Variants in UGT2A1 observed in about 807,000 individuals in gnomAD.
UGT2A1 encodes UDP-glucuronosyltransferase 2A1.
In UGT2A1, 61 loss-of-function variants were observed where a neutral mutation model predicts 45.4. That is an observed-to-expected ratio of 1.34 (90% CI 1.09 to 1.66). UGT2A1 has a LOEUF of 1.66. Ranked by LOEUF, UGT2A1 falls within the 40% of genes most tolerant of loss-of-function variation. The pLI, the probability that UGT2A1 is intolerant of heterozygous loss-of-function variation, is 0.00. For synonymous variants in UGT2A1, 229 were observed against 196.2 expected (o/e 1.17, Z -1.40); for missense variants, 649 against 574.3 (o/e 1.13, Z -1.33).
intron 1 of UGT2A1, among the ~76,000 whole-genome samples, chr4:69,651,571 T>G (rs1578013886): frequency 6.6e-6 from 1 of 152,188 alleles, no homozygotes; most frequent in Non-Finnish European, 1.5e-5. Flanking sequence ...TACAGGTAAT[T>G]AGATAGGCAT....
intron 3 of UGT2A1, among the ~76,000 whole-genome samples, chr4:69,623,753 TA>T (rs1720886943): frequency 6.6e-6 from 1 of 151,354 alleles, no homozygotes; most frequent in Non-Finnish European, 1.5e-5. Context: ...TAATACATTA[TA>T]AAAATAATTT....
chr4:69,607,286 T>G (rs79312604), intron 3 of UGT2A1, among the ~76,000 whole-genome samples: 35,917 of 147,836 alleles, frequency 0.24, 4,819 homozygotes, highest in African/African-American at 0.35. Flanking sequence ...CCATCTGATC[T>G]TTGACAAACC....
At position 69,647,017 on chromosome 4, in the gene UGT2A1, T is replaced by C. The variant is rs756084923; in HGVS notation, c.628A>G (p.Ile210Val). The C allele has an allele frequency of 1.2e-6, 2 of 1,612,716 alleles. No homozygotes were observed. The highest frequency in any genetic ancestry group is 2.2e-5 in the South Asian group (2 of 90,980). ...LTDQMSFTDR[I>V]RNFISYHLQD... ...AGGTGGTAGGAGATGAAATTTCTTA[T>C]TCTGTCAGTGAAAGACATTTGGTCG... The change falls in exon 2 of 7, where the codon ATA becomes GTA. Residue 210 changes from isoleucine (I) to valine (V), a missense_variant. Physicochemically the swap from Ile to Val is conservative, Grantham distance 29 (BLOSUM62 3). Coordinates refer to ENST00000286604, the MANE Select transcript of UGT2A1 (RefSeq NM_001252275.3).
At chr4:69,616,019 A>G (rs555015225) in intron 3 of UGT2A1, among the ~76,000 whole-genome samples, 2 of 152,050 alleles carry the variant, frequency 1.3e-5, no homozygotes. Flanking sequence ...ATGTGCATCA[A>G]TGGGTGAATC....
rs1343279831 is a variant in UGT2A1, at chr4:69,588,915, T to G, written c.*457A>C. 6.5e-6 allele frequency: 1 copy of G among 153,032 alleles called. No individual in the cohort carries two copies. Among genetic ancestry groups the G allele is most frequent in the Non-Finnish European group, 1.5e-5 (1 of 68,622 alleles). The allele number at this position is 153,032 out of a possible 1,614,324, so 9.5% of individuals were successfully genotyped here. ...AATCATTACCTTTCTCATAACACAC[T>G]ACTCTCCTACGGTGGCTCCCTGATT... On this transcript the variant is annotated 3_prime_UTR_variant, in exon 7 of 7. Coordinates refer to ENST00000286604, the MANE Select transcript of UGT2A1 (RefSeq NM_001252275.3).
At chr4:69,619,591 G>C (rs1720620235) in intron 3 of UGT2A1, among the ~76,000 whole-genome samples, 1 of 151,770 alleles carries the variant, frequency 6.6e-6, no homozygotes, top group South Asian at 2.1e-4. Context: ...TCTTTTTCAG[G>C]TGAATTATTC....
At chr4:69,642,432 T>C (rs554491599) in intron 2 of UGT2A1, among the ~76,000 whole-genome samples, 13 of 151,730 alleles carry the variant, frequency 8.6e-5, no homozygotes, top group African/African-American at 3.1e-4. Context: ...AAAGGAATGA[T>C]TAGTAAGAAA....
At chr4:69,614,219 C>T (rs889634570) in intron 3 of UGT2A1, among the ~76,000 whole-genome samples, 1 of 151,752 alleles carries the variant, frequency 6.6e-6, no homozygotes, top group Non-Finnish European at 1.5e-5. Context: ...ATCCCATTTG[C>T]AACAGCTACA....
intron 3 of UGT2A1, among the ~76,000 whole-genome samples, chr4:69,608,114 T>G (rs1719776677): frequency 6.6e-6 from 1 of 152,154 alleles, no homozygotes; most frequent in Non-Finnish European, 1.5e-5. Flanking sequence ...TAAAGACCCA[T>G]GCACACGTAT....
intron 3 of UGT2A1, among the ~76,000 whole-genome samples, chr4:69,618,239 A>T (rs2877457): frequency 8.6e-6 from 1 of 116,280 alleles, no homozygotes; most frequent in Non-Finnish European, 1.9e-5. Flanking sequence ...GTGTGTGTGT[A>T]TGTGTGTGTT....
At chr4:69,605,272 C>T (rs894353609) in intron 3 of UGT2A1, among the ~76,000 whole-genome samples, 4 of 136,886 alleles carry the variant, frequency 2.9e-5, no homozygotes, top group African/African-American at 1.2e-4. Flanking sequence ...GAAATTCACT[C>T]AAAACCGCTC....
intron 2 of UGT2A1, among the ~76,000 whole-genome samples, chr4:69,639,931 T>C (rs1206974442): frequency 2.0e-5 from 3 of 152,008 alleles, no homozygotes; most frequent in Non-Finnish European, 2.9e-5. Flanking sequence ...TTAATATATT[T>C]TTCACTAAAT....
intron 3 of UGT2A1, among the ~76,000 whole-genome samples, chr4:69,634,032 T>G (rs150092875): frequency 0.023 from 3,475 of 152,062 alleles, 60 homozygotes; most frequent in East Asian, 0.069. Context: ...GATCAGGAGC[T>G]CAGGAGATCG....
chr4:69,593,811 G>A (rs545587696), intron 6 of UGT2A1, among the ~76,000 whole-genome samples: 37 of 151,562 alleles, frequency 2.4e-4, no homozygotes, highest in African/African-American at 7.0e-4. Flanking sequence ...ATTACTGAGC[G>A]TATTATCATT....
At position 69,647,875 on chromosome 4, in the gene UGT2A1, G is replaced by A. The variant is rs115209106; in HGVS notation, c.-54-177C>T. ...TCTCAAATCTGTTGTTTTAATTTTA[G>A]TGTTTTAGTTATGATTCCTGCTGTC... On this transcript the variant is annotated intron_variant, in intron 1 of 6. Transcript: ENST00000286604. 2,659 of 347,062 alleles carry A rather than the reference G, an allele frequency of 7.7e-3. 59 individuals carry two copies. The highest frequency in any genetic ancestry group is 0.052 in the African/African-American group (2,454 of 47,002). 21.5% of individuals were successfully genotyped at this position (347,062 alleles called of 1,614,324 possible). A position where few individuals can be genotyped will look rare whatever the true frequency, so the allele number is the denominator to read the frequency against.
intron 2 of UGT2A1, among the ~76,000 whole-genome samples, chr4:69,643,032 T>C (rs1048071166): frequency 6.6e-6 from 1 of 151,528 alleles, no homozygotes; most frequent in African/African-American, 2.4e-5. Flanking sequence ...AGGTATACAT[T>C]CGAAACTGTG....
intron 2 of UGT2A1, among the ~76,000 whole-genome samples, chr4:69,641,624 T>A (rs899229062): frequency 6.6e-6 from 1 of 151,928 alleles, no homozygotes; most frequent in East Asian, 1.9e-4. Context: ...TAAATTTAGA[T>A]GTACTTTTAG....
intron 3 of UGT2A1, among the ~76,000 whole-genome samples, chr4:69,617,363 G>A (rs911164649): frequency 1.3e-5 from 2 of 151,568 alleles, no homozygotes; most frequent in Admixed American, 6.6e-5. Context: ...TTTTGTTGAC[G>A]GCGTAAAAAT....
intron 3 of UGT2A1, among the ~76,000 whole-genome samples, chr4:69,621,660 G>A (rs773124801): frequency 3.3e-5 from 5 of 151,670 alleles, no homozygotes; most frequent in African/African-American, 7.3e-5. Context: ...GGTATACACC[G>A]AAAGGAATAT....
Sources: allele counts gnomAD v4.1 joint callset (sites outside exome capture counted in the v4.1 genomes callset), GRCh38; gene constraint gnomAD v4.1.1; transcripts MANE v1.5; gene names NCBI Gene and HGNC (gene_info 2026-07-23, HGNC 2026-07-21).